TUBA1C: variants seen among roughly 807,000 people sequenced by gnomAD.
The protein encoded by TUBA1C is tubulin alpha 1c, also known as tubulin alpha-1C chain.
Under a neutral mutation model 34.9 loss-of-function variants are expected in TUBA1C, and 16 were observed. The ratio of observed to expected loss-of-function variants is 0.46; its 90% CI spans 0.31 to 0.70. The LOEUF (loss-of-function observed/expected upper bound fraction) is 0.70. Ranked by LOEUF, TUBA1C falls within the 30% of genes least tolerant of loss-of-function variation. The probability of loss-of-function intolerance (pLI) is 0.05; values close to 1 mark genes in which losing one functional copy is unlikely to be tolerated. For synonymous variants in TUBA1C, 177 were observed against 215.9 expected, an observed-to-expected ratio of 0.82 and a Z score of 1.58; for missense variants, 329 against 587.3, an observed-to-expected ratio of 0.56 and a Z score of 4.55.
At chr12:49,257,254 A>G (rs1320933065) in intron 1 of TUBA1C, among the ~76,000 whole-genome samples, 3 of 152,122 alleles carry the variant, frequency 2.0e-5, no homozygotes, top group Non-Finnish European at 2.9e-5. Context: ...TGAAGGCAAC[A>G]TGCGCTGCTG....
At chr12:49,268,611 A>T (rs1211198596) in intron 1 of TUBA1C, among the ~76,000 whole-genome samples, 1 of 152,068 alleles carries the variant, frequency 6.6e-6, no homozygotes, top group Non-Finnish European at 1.5e-5. Flanking sequence ...CCTCTTCCGG[A>T]GATGTTTTGA....
chr12:49,270,791 T>G (rs558311506), intron 3 of TUBA1C, among the ~76,000 whole-genome samples: 3 of 152,034 alleles, frequency 2.0e-5, no homozygotes, highest in Non-Finnish European at 4.4e-5. Flanking sequence ...CCATCCTGGC[T>G]AACATGGTGA....
At chr12:49,228,175 G>A (rs1271186527) in intron 1 of TUBA1C, 1 of 1,535,526 alleles carries the variant, frequency 6.5e-7, no homozygotes, top group Non-Finnish European at 8.7e-7. Flanking sequence ...AGGTAAGGCT[G>A]TAATAGTAAT....
intron 1 of TUBA1C, among the ~76,000 whole-genome samples, chr12:49,231,464 A>T (rs1942496144): frequency 6.6e-6 from 1 of 152,040 alleles, no homozygotes; most frequent in South Asian, 2.1e-4. Flanking sequence ...GCCAGCACTA[A>T]TTTCTTTTTT....
rs1592290537 is a variant in TUBA1C at position 49,274,082 on chromosome 12, G to A, written c.*855G>A. The A allele has an allele frequency of 6.6e-6, 1 of 152,206 alleles. No individual in the cohort carries two copies. Among genetic ancestry groups the A allele is most frequent in the South Asian group, 2.1e-4 (1 of 4,824 alleles). 9.4% of individuals were successfully genotyped at this position (152,206 alleles called of 1,614,324 possible). A position where few individuals can be genotyped will look rare whatever the true frequency, so the allele number is the denominator to read the frequency against. On this transcript the variant is annotated 3_prime_UTR_variant, in exon 4 of 4. Transcript: ENST00000301072. ...TCTCAAATTTAAAAACAAAATGCAG[G>A]TTCTAATTCTATAGGCTTGAGGTGA...
chr12:49,238,689 T>G (rs947572981), intron 1 of TUBA1C, among the ~76,000 whole-genome samples: 1 of 152,318 alleles, frequency 6.6e-6, no homozygotes, highest in Middle Eastern at 3.4e-3. Context: ...TTTAAAAAAT[T>G]TGTTTACAGA....
intron 1 of TUBA1C, among the ~76,000 whole-genome samples, chr12:49,229,509 T>C (rs995819001): frequency 5.9e-5 from 9 of 152,166 alleles, no homozygotes; most frequent in African/African-American, 2.2e-4. Flanking sequence ...TTTTCTGTCC[T>C]TTCTTTCTTT....
At chr12:49,240,067 C>CAT (rs1459240796) in intron 1 of TUBA1C, among the ~76,000 whole-genome samples, 1 of 151,738 alleles carries the variant, frequency 6.6e-6, no homozygotes, top group African/African-American at 2.4e-5. Flanking sequence ...CACACACACA[C>CAT]ACACACACAC....
At chr12:49,234,724 A>T (rs1320621991) in intron 1 of TUBA1C, among the ~76,000 whole-genome samples, 5 of 152,244 alleles carry the variant, frequency 3.3e-5, no homozygotes, top group Admixed American at 6.5e-5. Flanking sequence ...CTTTCTTCAC[A>T]TATCGCTGTC....
At chr12:49,256,083 T>C (rs1433265700) in intron 1 of TUBA1C, among the ~76,000 whole-genome samples, 1 of 152,112 alleles carries the variant, frequency 6.6e-6, no homozygotes, top group Admixed American at 6.6e-5. Flanking sequence ...CCAGCCTGGG[T>C]GAGAGAGTGA....
chr12:49,274,378 TGCCTCA>T lies in TUBA1C; in HGVS notation c.*1157_*1162del, dbSNP rs968064247. The T allele has an allele frequency of 4.9e-5, 7 of 141,712 alleles. No individual in the cohort carries two copies. Among genetic ancestry groups the T allele is most frequent in the African/African-American group, 1.6e-4 (6 of 37,728 alleles). The allele number at this position is 141,712 out of a possible 1,614,324, so 8.8% of individuals were successfully genotyped here. A position where few individuals can be genotyped will look rare whatever the true frequency, so the allele number is the denominator to read the frequency against. On this transcript the variant is annotated 3_prime_UTR_variant, in exon 4 of 4. Transcript: ENST00000301072. ...TTGAACTCCTGGGCTCAGGCAATCC[TGCCTCA>T]GCCTCCCAAAGTGCTGGGATTACAG...
At chr12:49,242,352 G>A (rs943340817) in intron 1 of TUBA1C, among the ~76,000 whole-genome samples, 11 of 152,204 alleles carry the variant, frequency 7.2e-5, no homozygotes, top group African/African-American at 2.4e-4. Context: ...TGGAGCCACA[G>A]ATCTAGCTCC....
rs11542122 is a variant in TUBA1C, at chr12:49,269,845, A to C, written c.244A>C (p.Thr82Pro). 8.7e-6 allele frequency: 14 copies of C among 1,613,748 alleles called. 1 individual carries two copies. The South Asian group carries it at 1.4e-4, about 16-fold the overall frequency. Reference protein sequence around the residue: ...PTVIDEVRTGTYRQLFHPEQL... With the variant: ...PTVIDEVRTGPYRQLFHPEQL... ...TTCTCCAGATGAAGTTCGCACTGGC[A>C]CTTACCGCCAGCTCTTCCACCCTGA... The change falls in exon 3 of 4, where the codon ACT (threonine) becomes CCT (proline). Residue 82 changes from threonine to proline, a missense_variant. This residue lies in a region of TUBA1C where 152 missense variants were observed against 240.3 expected (regional missense o/e 0.63). Transcript: ENST00000301072.
intron 1 of TUBA1C, among the ~76,000 whole-genome samples, chr12:49,251,309 T>C (rs1187543685): frequency 5.9e-5 from 9 of 152,170 alleles, no homozygotes; most frequent in Non-Finnish European, 1.2e-4. Flanking sequence ...ATAATACAAA[T>C]ATTGAACAAA....
chr12:49,228,128 T>C, exon 1 of TUBA1C: 1 of 1,535,690 alleles, frequency 6.5e-7, no homozygotes, highest in Non-Finnish European at 8.7e-7. Context: ...CACATGCACA[T>C]CCAGCAAAAG....
rs2137027983 is a variant in TUBA1C, at chr12:49,274,375, T to C, written c.*1148T>C. The C allele has an allele frequency of 7.5e-6, 1 of 134,094 alleles. No individual in the cohort carries two copies. Among genetic ancestry groups the C allele is most frequent in the African/African-American group, 2.8e-5 (1 of 35,810 alleles). The allele number at this position is 134,094 out of a possible 1,614,324, so 8.3% of individuals were successfully genotyped here. ...GCCTTGAACTCCTGGGCTCAGGCAA[T>C]CCTGCCTCAGCCTCCCAAAGTGCTG... On this transcript the variant is annotated 3_prime_UTR_variant, in exon 4 of 4. Transcript: ENST00000301072.
At chr12:49,267,716 G>A (rs1036210480) in intron 1 of TUBA1C, among the ~76,000 whole-genome samples, 4 of 152,220 alleles carry the variant, frequency 2.6e-5, no homozygotes, top group Admixed American at 2.6e-4. Context: ...CCACACCCCT[G>A]GAGCTGGGTG....
At chr12:49,242,565 T>G (rs1942628277) in intron 1 of TUBA1C, among the ~76,000 whole-genome samples, 1 of 152,032 alleles carries the variant, frequency 6.6e-6, no homozygotes, top group African/African-American at 2.4e-5. Context: ...ATCCCCAGGT[T>G]CAAGCAATCC....
chr12:49,260,688 C>A (rs543911234), upstream of TUBA1C, among the ~76,000 whole-genome samples: 1 of 152,124 alleles, frequency 6.6e-6, no homozygotes, highest in Non-Finnish European at 1.5e-5. Flanking sequence ...TCTGTACATA[C>A]AAGGCATAAA....
Sources: allele counts gnomAD v4.1 joint callset (sites outside exome capture counted in the v4.1 genomes callset), GRCh38; gene constraint gnomAD v4.1.1; regional missense constraint gnomAD v4.1.1; transcripts MANE v1.5; gene names NCBI Gene and HGNC (gene_info 2026-07-23, HGNC 2026-07-21).